Variants in MGAT4C observed in about 807,000 individuals in gnomAD.
The protein encoded by MGAT4C is alpha-1,3-mannosyl-glycoprotein 4-beta-N-acetylglucosaminyltransferase C.
A neutral mutation model predicts 40.1 loss-of-function variants in MGAT4C; 19 were observed. The ratio of observed to expected loss-of-function variants is 0.47; its 90% CI spans 0.33 to 0.70. MGAT4C has a LOEUF of 0.70. Ranked by LOEUF, MGAT4C falls within the 30% of genes least tolerant of loss-of-function variation. The probability of loss-of-function intolerance (pLI) is 0.02; values close to 1 mark genes in which losing one functional copy is unlikely to be tolerated. For missense variants in MGAT4C, 491 were observed against 563.2 expected, an observed-to-expected ratio of 0.87 and a Z score of 1.30; for synonymous variants, 181 against 187.1, an observed-to-expected ratio of 0.97 and a Z score of 0.27.
chr12:86,127,077 T>C (rs747055057), intron 1 of MGAT4C, among the ~76,000 whole-genome samples: 31 of 152,284 alleles, frequency 2.0e-4, no homozygotes, highest in East Asian at 3.9e-4. Context: ...GCAGTAATGC[T>C]TACTAGCTGG....
rs1013656851 is a variant in MGAT4C at position 86,262,552 on chromosome 12, C to A, written c.-57+71513G>T. On this transcript the variant is annotated intron_variant, in intron 4 of 7. Transcript: ENST00000548651. ...ATTTATCATTGCAATAGATTTACTT[C>A]TGTGACTTTTAAGATGTTTGTATCT... Among the ~76,000 whole-genome samples the A allele has an allele frequency of 4.9e-4, 75 of 151,982 alleles. 1 individual carries two copies. Among genetic ancestry groups the A allele is most frequent in the Admixed American group, 1.3e-4 (2 of 15,264 alleles).
chr12:86,601,532 TA>T (rs1168632832), intron 2 of MGAT4C, among the ~76,000 whole-genome samples: 1 of 152,186 alleles, frequency 6.6e-6, no homozygotes, highest in East Asian at 1.9e-4. Flanking sequence ...GGTCACCTAA[TA>T]AAGCTCTTCC....
In MGAT4C at chr12:86,446,618, T is replaced by C. The variant is rs1592858390; in HGVS notation, c.-228-11353A>G. Among the ~76,000 whole-genome samples, 6 of 135,594 alleles carry C rather than the reference T, an allele frequency of 4.4e-5. No homozygotes were observed. The South Asian group carries it at 1.4e-3, about 31-fold the overall frequency. The allele number at this position is 135,594 out of a possible 152,430, so 89.0% of individuals were successfully genotyped here. On this transcript the variant is annotated intron_variant, in intron 2 of 7. Transcript: ENST00000548651. ...TACATTGTGTACTGTTCATATACGA[T>C]GAAAACTGCTATCAGGACTTAAAAT...
chr12:86,833,688 G>A (rs1952975605), intron 1 of MGAT4C, among the ~76,000 whole-genome samples: 1 of 151,864 alleles, frequency 6.6e-6, no homozygotes, highest in Admixed American at 6.6e-5. Flanking sequence ...CTGAGATATT[G>A]GAGGTTAAGT....
intron 2 of MGAT4C, among the ~76,000 whole-genome samples, chr12:86,026,835 G>C (rs1373861517): frequency 6.6e-6 from 1 of 151,776 alleles, no homozygotes; most frequent in African/African-American, 2.4e-5. Flanking sequence ...CTTCCAATCT[G>C]TGTGTGTATA....
chr12:86,523,067 T>C (rs552278490), intron 2 of MGAT4C, among the ~76,000 whole-genome samples: 2 of 152,246 alleles, frequency 1.3e-5, no homozygotes, highest in East Asian at 1.9e-4. Flanking sequence ...AGTTGATCTT[T>C]TGAATGGTTT....
intron 1 of MGAT4C, among the ~76,000 whole-genome samples, chr12:86,160,926 T>C (rs181402419): frequency 6.6e-6 from 1 of 152,176 alleles, no homozygotes; most frequent in Admixed American, 6.5e-5. Flanking sequence ...TATATGCATG[T>C]ATATCTTAAT....
At chr12:86,083,042 A>G (rs1163321366) in intron 1 of MGAT4C, among the ~76,000 whole-genome samples, 1 of 152,102 alleles carries the variant, frequency 6.6e-6, no homozygotes, top group African/African-American at 2.4e-5. Context: ...ATCCTTCCCA[A>G]GCATCCTCTT....
chr12:86,749,308 G>A (rs1307930781), intron 1 of MGAT4C, among the ~76,000 whole-genome samples: 1 of 151,608 alleles, frequency 6.6e-6, no homozygotes, highest in Non-Finnish European at 1.5e-5. Flanking sequence ...TACTTCAACA[G>A]ATGACCAGTC....
intron 2 of MGAT4C, among the ~76,000 whole-genome samples, chr12:86,456,324 C>T (rs574204641): frequency 4.6e-5 from 7 of 152,116 alleles, no homozygotes; most frequent in African/African-American, 4.8e-5. Context: ...ACATAATCAA[C>T]GTTAGTTATC....
chr12:86,783,802 G>T (rs1416149672), intron 1 of MGAT4C, among the ~76,000 whole-genome samples: 1 of 152,016 alleles, frequency 6.6e-6, no homozygotes, highest in East Asian at 1.9e-4. Context: ...ATAATATAAA[G>T]GAAATCAATT....
chr12:86,188,040 G>A (rs866680912), intron 1 of MGAT4C, among the ~76,000 whole-genome samples: 7 of 152,114 alleles, frequency 4.6e-5, no homozygotes, highest in Admixed American at 6.6e-5. Context: ...GAACCTGATG[G>A]GCCTTTGCCT....
intron 4 of MGAT4C, among the ~76,000 whole-genome samples, chr12:86,331,323 G>C (rs956391486): frequency 6.6e-6 from 1 of 152,092 alleles, no homozygotes; most frequent in Non-Finnish European, 1.5e-5. Flanking sequence ...GGGGTTGCAT[G>C]AGCAGTGTGT....
intron 1 of MGAT4C, among the ~76,000 whole-genome samples, chr12:86,105,155 G>A (rs1016614093): frequency 1.3e-5 from 2 of 152,040 alleles, no homozygotes; most frequent in Non-Finnish European, 2.9e-5. Flanking sequence ...TTTTTGCAAC[G>A]ATTTCATCTT....
At chr12:86,750,577 A>T (rs2136140846) in intron 1 of MGAT4C, among the ~76,000 whole-genome samples, 1 of 152,020 alleles carries the variant, frequency 6.6e-6, no homozygotes, top group East Asian at 1.9e-4. Flanking sequence ...TAACAATTCA[A>T]ACGAAAATAT....
At chr12:86,719,859 T>C (rs555599333) in intron 2 of MGAT4C, among the ~76,000 whole-genome samples, 81 of 152,260 alleles carry the variant, frequency 5.3e-4, no homozygotes, top group Non-Finnish European at 7.4e-5. Context: ...AAGGATGTTG[T>C]GGGGAAAGTC....
chr12:86,552,749 T>A lies in MGAT4C; in HGVS notation c.-228-117484A>T, dbSNP rs190262263. ...AAATAAAAACAGTTATAAATTAATG[T>A]CTGTGAAATAAGCTATTAATTTTCT... On this transcript the variant is annotated intron_variant, in intron 2 of 7. Coordinates refer to the MGAT4C transcript ENST00000548651. Among the ~76,000 whole-genome samples, 23 of 152,238 alleles carry A rather than the reference T, an allele frequency of 1.5e-4. No homozygotes were observed. In the East Asian group the frequency reaches 3.1e-3, roughly 20 times the overall value.
At chr12:86,147,923 G>C (rs1314817783) in intron 1 of MGAT4C, among the ~76,000 whole-genome samples, 1 of 152,144 alleles carries the variant, frequency 6.6e-6, no homozygotes, top group Non-Finnish European at 1.5e-5. Context: ...GACAATATTT[G>C]AGAGACAAAT....
At chr12:86,373,655 T>C (rs2136213532) in intron 3 of MGAT4C, among the ~76,000 whole-genome samples, 1 of 118,390 alleles carries the variant, frequency 8.4e-6, no homozygotes, top group Middle Eastern at 5.6e-3. Flanking sequence ...AGAAAATAGT[T>C]TTTTTTTTTT....
Sources: allele counts gnomAD v4.1 joint callset (sites outside exome capture counted in the v4.1 genomes callset), GRCh38; gene constraint gnomAD v4.1.1; transcripts MANE v1.5; gene names NCBI Gene and HGNC (gene_info 2026-07-23, HGNC 2026-07-21).